The following ADGRB3 variants were observed in gnomAD, a reference collection of about 807,000 sequenced individuals.
The protein encoded by ADGRB3 is adhesion G protein-coupled receptor B3.
In ADGRB3, 37 loss-of-function variants were observed where a neutral mutation model predicts 193.4. The observed-to-expected ratio is 0.19, with a 90% CI of 0.15 to 0.25. The LOEUF is 0.25. ADGRB3 is among the 10% of genes least tolerant of loss of function. The pLI is 1.00. For missense variants in ADGRB3, 1,637 were observed against 1,852.9 expected (o/e 0.88, Z 2.14); for synonymous variants, 690 against 644.2 (o/e 1.07, Z -1.08).
chr6:69,052,208 A>C (rs912733428), intron 15 of ADGRB3, among the ~76,000 whole-genome samples: 1 of 152,170 alleles, frequency 6.6e-6, no homozygotes, highest in African/African-American at 2.4e-5. Context: ...TATCTGATAA[A>C]ATATCGTATA....
At chr6:69,169,696 A>T (rs193231802) in intron 17 of ADGRB3, among the ~76,000 whole-genome samples, 19 of 152,182 alleles carry the variant, frequency 1.2e-4, no homozygotes, top group Admixed American at 1.2e-3. Context: ...AAATGTAAAC[A>T]AGATCTTCTG....
chr6:69,128,222 A>G (rs188065881), intron 17 of ADGRB3, among the ~76,000 whole-genome samples: 42 of 152,240 alleles, frequency 2.8e-4, no homozygotes, highest in African/African-American at 9.6e-4. Context: ...GTCTACTCAT[A>G]AGAGAGTATC....
intron 3 of ADGRB3, among the ~76,000 whole-genome samples, chr6:68,673,060 A>T (rs1324175218): frequency 6.6e-6 from 1 of 151,946 alleles, no homozygotes; most frequent in Non-Finnish European, 1.5e-5. Flanking sequence ...GTGTGTGTGT[A>T]TACGTATGTG....
chr6:68,796,004 C>A (rs1005793933), intron 3 of ADGRB3, among the ~76,000 whole-genome samples: 3 of 151,832 alleles, frequency 2.0e-5, no homozygotes, highest in Non-Finnish European at 4.4e-5. Context: ...TGTTTTGCTG[C>A]AAAATAAATG....
chr6:68,795,468 A>G (rs1767189843), intron 3 of ADGRB3, among the ~76,000 whole-genome samples: 4 of 152,104 alleles, frequency 2.6e-5, no homozygotes, highest in South Asian at 4.1e-4. Flanking sequence ...ACTATGAAAA[A>G]CACAGGAACA....
chr6:69,214,668 G>A (rs1487295976), intron 17 of ADGRB3, among the ~76,000 whole-genome samples: 1 of 151,706 alleles, frequency 6.6e-6, no homozygotes, highest in Non-Finnish European at 1.5e-5. Context: ...GTATCAGGAG[G>A]GAATAAGAAG....
intron 3 of ADGRB3, among the ~76,000 whole-genome samples, chr6:68,714,420 A>C (rs765365071): frequency 1.3e-5 from 2 of 151,792 alleles, no homozygotes; most frequent in South Asian, 2.1e-4. Context: ...GCAGGTGTGC[A>C]CTAACCACAG....
In ADGRB3 at chr6:68,976,206, T is replaced by C. The variant is rs1203054217; in HGVS notation, c.1734+866T>C. Among the ~76,000 whole-genome samples the C allele has an allele frequency of 6.6e-5, 10 of 152,324 alleles. 1 individual carries two copies. The South Asian group carries it at 1.9e-3, about 28-fold the overall frequency. On this transcript the variant is annotated intron_variant, in intron 10 of 31. Transcript: ENST00000370598. The stretch of plus-strand genomic sequence containing the variant: ...ACTTTTGTAAGAATCCTAAAGAGTA[T>C]TCTTGCTTGTGGATGGAGAAATAGC...
At chr6:69,162,224 G>T (rs183228562) in intron 17 of ADGRB3, among the ~76,000 whole-genome samples, 1 of 152,064 alleles carries the variant, frequency 6.6e-6, no homozygotes, top group Admixed American at 6.6e-5. Flanking sequence ...CTTGCATAAC[G>T]ACTTTTATCT....
At chr6:68,713,753 A>C (rs1001574612) in intron 3 of ADGRB3, among the ~76,000 whole-genome samples, 2 of 148,902 alleles carry the variant, frequency 1.3e-5, no homozygotes, top group Admixed American at 6.8e-5. Flanking sequence ...TTTACTCACA[A>C]CTCTCTCTAT....
At chr6:68,965,937 T>C (rs1483890097) in intron 8 of ADGRB3, among the ~76,000 whole-genome samples, 1 of 152,178 alleles carries the variant, frequency 6.6e-6, no homozygotes, top group Non-Finnish European at 1.5e-5. Context: ...CAAATCTCTA[T>C]CTCTAGCTTG....
intron 10 of ADGRB3, among the ~76,000 whole-genome samples, chr6:68,993,315 A>T (rs560437432): frequency 6.6e-6 from 1 of 152,158 alleles, no homozygotes; most frequent in Non-Finnish European, 1.5e-5. Context: ...CTCTATAGAG[A>T]TGTGTTCATT....
chr6:68,787,750 T>C (rs1226258114), intron 3 of ADGRB3, among the ~76,000 whole-genome samples: 4 of 152,032 alleles, frequency 2.6e-5, no homozygotes, highest in Non-Finnish European at 5.9e-5. Flanking sequence ...TATTTGTACC[T>C]CTGGTAGAAA....
At chr6:68,661,287 G>A (rs1428578264) in intron 3 of ADGRB3, among the ~76,000 whole-genome samples, 1 of 142,312 alleles carries the variant, frequency 7.0e-6, no homozygotes, top group African/African-American at 2.6e-5. Context: ...ATTATAGGTG[G>A]CCAAAATATA....
intron 20 of ADGRB3, among the ~76,000 whole-genome samples, chr6:69,267,339 C>G (rs1048352464): frequency 6.6e-6 from 1 of 152,034 alleles, no homozygotes; most frequent in Non-Finnish European, 1.5e-5. Flanking sequence ...AGTGTCAAAA[C>G]CCTTTAAGCC....
intron 20 of ADGRB3, among the ~76,000 whole-genome samples, chr6:69,311,546 C>T (rs181539208): frequency 4.1e-4 from 62 of 151,780 alleles, no homozygotes; most frequent in Non-Finnish European, 3.0e-5. Context: ...GTACTCAAAC[C>T]TCTGATCTCC....
chr6:68,842,155 C>A (rs1465338252), intron 3 of ADGRB3, among the ~76,000 whole-genome samples: 1 of 151,192 alleles, frequency 6.6e-6, no homozygotes, highest in Non-Finnish European at 1.5e-5. Flanking sequence ...CTACTAAGTA[C>A]CCACAAAAAT....
chr6:68,649,996 T>A (rs1768311864), intron 3 of ADGRB3, among the ~76,000 whole-genome samples: 1 of 152,216 alleles, frequency 6.6e-6, no homozygotes, highest in African/African-American at 2.4e-5. Context: ...CAAAGCACTA[T>A]TCATGCTGTT....
chr6:69,009,003 G>A (rs1556756), intron 11 of ADGRB3, among the ~76,000 whole-genome samples: 61,593 of 151,378 alleles, frequency 0.41, 13,154 homozygotes, highest in Middle Eastern at 0.46. Context: ...AGGAAATTAG[G>A]TATAAACTAT....
Sources: gnomAD v4.1 joint callset for allele counts (sites outside exome capture counted in the v4.1 genomes callset) on GRCh38, gnomAD v4.1.1 for gene constraint, MANE v1.5 for transcripts, NCBI Gene and HGNC (gene_info 2026-07-23, HGNC 2026-07-21) for gene names.